ZC3H12B: variants seen among roughly 807,000 people sequenced by gnomAD.
ZC3H12B encodes the protein zinc finger CCCH-type containing 12B.
ZC3H12B carries 7 observed loss-of-function variants against 43.9 expected under a neutral mutation model. The observed-to-expected ratio is 0.16, with a 90% CI of 0.09 to 0.30. The LOEUF (loss-of-function observed/expected upper bound fraction) is 0.30. Among genes scored for constraint, ZC3H12B ranks in the 10% least tolerant of loss-of-function variants. The pLI is 1.00. For synonymous variants in ZC3H12B, 222 were observed against 241.7 expected (o/e 0.92, Z 0.76); for missense variants, 475 against 670.2 (o/e 0.71, Z 3.22).
At chrX:65,475,066 G>T (rs972714556) in intron 3 of ZC3H12B, among the ~76,000 whole-genome samples, 1 of 112,070 alleles carries the variant, frequency 8.9e-6, no homozygotes, top group African/African-American at 3.2e-5. Context: ...TAACAATGTA[G>T]CTTAAATATC....
chrX:65,247,737 G>T, the ZC3H12B span, among the ~76,000 whole-genome samples: 2 of 111,801 alleles, frequency 1.8e-5, no homozygotes, highest in East Asian at 5.7e-4. Context: ...TGGTGGGGAG[G>T]AGAGAGAGCG....
chrX:65,086,302 A>G, the ZC3H12B span, among the ~76,000 whole-genome samples: 3 of 111,655 alleles, frequency 2.7e-5, no homozygotes, highest in East Asian at 5.6e-4. Context: ...CTTTGTAACA[A>G]TAAGAAACCT....
chrX:65,242,209 C>T, the ZC3H12B span, among the ~76,000 whole-genome samples: 3 of 110,724 alleles, frequency 2.7e-5, no homozygotes, highest in Non-Finnish European at 5.7e-5. Flanking sequence ...GGTCCAAATG[C>T]GAGGACCTGG....
At chrX:65,367,871 T>C (rs2066193783) in intron 1 of ZC3H12B, among the ~76,000 whole-genome samples, 1 of 111,283 alleles carries the variant, frequency 9.0e-6, no homozygotes, top group African/African-American at 3.3e-5. Flanking sequence ...TGTCAGAATT[T>C]ATGGCCTGAT....
chrX:65,097,033 C>T, the ZC3H12B span, among the ~76,000 whole-genome samples: 2 of 111,544 alleles, frequency 1.8e-5, no homozygotes, highest in East Asian at 5.6e-4. Flanking sequence ...CCAGATTTGG[C>T]AATCATGCCT....
intron 3 of ZC3H12B, among the ~76,000 whole-genome samples, chrX:65,442,500 C>G (rs2148127987): frequency 9.0e-6 from 1 of 111,144 alleles, no homozygotes; most frequent in East Asian, 2.8e-4. Context: ...ACCAGTTGTG[C>G]ATCTAAACCA....
chrX:65,041,060 G>A, the ZC3H12B span, among the ~76,000 whole-genome samples: 2 of 112,662 alleles, frequency 1.8e-5, no homozygotes, highest in African/African-American at 6.5e-5. Context: ...TTACAGGCGT[G>A]AGCCATCGTG....
the ZC3H12B span, among the ~76,000 whole-genome samples, chrX:65,343,801 C>T: frequency 9.0e-6 from 1 of 111,570 alleles, no homozygotes; most frequent in Non-Finnish European, 1.9e-5. Context: ...TCCTATTCAG[C>T]ATAGTATTGG....
intron 2 of ZC3H12B, among the ~76,000 whole-genome samples, chrX:65,372,345 A>G (rs1015109577): frequency 3.6e-5 from 4 of 111,611 alleles, no homozygotes; most frequent in African/African-American, 1.3e-4. Flanking sequence ...GGTATCAAAT[A>G]TTATGAATTC....
intron 2 of ZC3H12B, among the ~76,000 whole-genome samples, chrX:65,379,245 C>T (rs764734210): frequency 2.1e-4 from 23 of 111,838 alleles, no homozygotes; most frequent in East Asian, 2.8e-4. Context: ...TCTCCCAGCA[C>T]GCAGCTGGAG....
At chrX:65,193,216 G>T in the ZC3H12B span, among the ~76,000 whole-genome samples, 42 of 110,068 alleles carry the variant, frequency 3.8e-4, no homozygotes, top group East Asian at 0.011. Context: ...CAATTTTTTG[G>T]AATAGTTTAA....
intron 2 of ZC3H12B, among the ~76,000 whole-genome samples, chrX:65,378,760 C>A (rs919670305): frequency 2.7e-5 from 3 of 112,500 alleles, no homozygotes; most frequent in African/African-American, 9.7e-5. Context: ...GCACCGTGTG[C>A]CTGCCAAAGC....
the ZC3H12B span, among the ~76,000 whole-genome samples, chrX:65,251,249 G>A: frequency 9.0e-6 from 1 of 111,477 alleles, no homozygotes; most frequent in Non-Finnish European, 1.9e-5. Context: ...GATGGTTGTA[G>A]ATGTGTGGCG....
chrX:65,465,927 C>T (rs1361635708), intron 3 of ZC3H12B, among the ~76,000 whole-genome samples: 2 of 109,577 alleles, frequency 1.8e-5, no homozygotes, highest in Non-Finnish European at 3.8e-5. Context: ...TATATATGTA[C>T]ACACACATTG....
chrX:65,503,369 C>A, exon 5 of ZC3H12B: 1 of 462,362 alleles, frequency 2.2e-6, no homozygotes, highest in African/African-American at 2.4e-5. Flanking sequence ...GTCTTACTAA[C>A]ATCCTCTTTT....
At chrX:65,406,588 G>GGGGAT (rs1569396802) in intron 3 of ZC3H12B, among the ~76,000 whole-genome samples, 6,056 of 91,001 alleles carry the variant, frequency 0.067, 878 homozygotes, top group African/African-American at 0.26. Context: ...GGGGCTGGGC[G>GGGGAT]GGGCTGGGCG....
chrX:65,296,719 C>T, the ZC3H12B span, among the ~76,000 whole-genome samples: 1 of 110,844 alleles, frequency 9.0e-6, no homozygotes, highest in Non-Finnish European at 1.9e-5. Flanking sequence ...AAAATACAGA[C>T]CAATATCCCT....
chrX:65,479,179 T>C (rs1396229336), intron 3 of ZC3H12B, among the ~76,000 whole-genome samples: 1 of 111,140 alleles, frequency 9.0e-6, no homozygotes, highest in African/African-American at 3.3e-5. Flanking sequence ...GTTTCCTCTG[T>C]TCACTTCTAG....
the ZC3H12B span, among the ~76,000 whole-genome samples, chrX:65,129,015 G>A: frequency 4.5e-5 from 5 of 110,380 alleles, no homozygotes; most frequent in African/African-American, 1.3e-4. Context: ...CTTTTAGCTG[G>A]TGTATTTATT....
Sources: gnomAD v4.1 joint callset for allele counts (sites outside exome capture counted in the v4.1 genomes callset) on GRCh38, gnomAD v4.1.1 for gene constraint, MANE v1.5 for transcripts, NCBI Gene and HGNC (gene_info 2026-07-23, HGNC 2026-07-21) for gene names.